KIRREL3: variants seen among roughly 807,000 people sequenced by gnomAD.
KIRREL3 encodes the protein kirre like nephrin family adhesion molecule 3, also known as kin of IRRE-like protein 3.
Under a neutral mutation model 89.7 loss-of-function variants are expected in KIRREL3, and 36 were observed. The observed-to-expected ratio is 0.40, with a 90% CI of 0.31 to 0.53. KIRREL3 has a LOEUF of 0.53. Among genes scored for constraint, KIRREL3 ranks in the 20% least tolerant of loss-of-function variants. The probability of loss-of-function intolerance (pLI) is 0.49; values close to 1 mark genes in which losing one functional copy is unlikely to be tolerated. For synonymous variants in KIRREL3, 445 were observed against 441.4 expected (o/e 1.01, Z -0.10); for missense variants, 864 against 1,056.6 (o/e 0.82, Z 2.53).
At chr11:126,497,199 TGTGAGTGTGAGTGTGTGAGA>T (rs1410612273) in intron 4 of KIRREL3, among the ~76,000 whole-genome samples, 17 of 41,204 alleles carry the variant, frequency 4.1e-4, no homozygotes, top group South Asian at 2.1e-3. Context: ...TGTGAGTGTG[TGTGAGTGTGAGTGTGTGAGA>T]GTGAGTGTGT....
At chr11:126,873,886 C>T (rs1450150907) in intron 1 of KIRREL3, among the ~76,000 whole-genome samples, 1 of 152,250 alleles carries the variant, frequency 6.6e-6, no homozygotes, top group African/African-American at 2.4e-5. Flanking sequence ...TTAATGCAAT[C>T]AGCAGGGCCA....
At chr11:126,861,273 T>G (rs1944694872) in intron 1 of KIRREL3, among the ~76,000 whole-genome samples, 1 of 152,048 alleles carries the variant, frequency 6.6e-6, no homozygotes, top group Non-Finnish European at 1.5e-5. Context: ...GCCCAGAGGT[T>G]AGTAACAGTA....
intron 7 of KIRREL3, among the ~76,000 whole-genome samples, chr11:126,451,285 C>CGTGTGTGCATGTGTGCAT (rs1372989774): frequency 9.0e-6 from 1 of 110,642 alleles, no homozygotes; most frequent in African/African-American, 3.6e-5. Context: ...TGCATGTGTG[C>CGTGTGTGCATGTGTGCAT]GTGTGTGCAT....
chr11:126,518,516 A>G (rs1565517753), intron 4 of KIRREL3, among the ~76,000 whole-genome samples: 1 of 152,198 alleles, frequency 6.6e-6, no homozygotes, highest in Non-Finnish European at 1.5e-5. Context: ...ACTTTATTTA[A>G]TTAAAAATCT....
intron 4 of KIRREL3, among the ~76,000 whole-genome samples, chr11:126,499,235 G>A (rs938106990): frequency 4.0e-5 from 6 of 151,610 alleles, no homozygotes; most frequent in Non-Finnish European, 8.8e-5. Flanking sequence ...TGGGATTAAA[G>A]GCTTTACCTA....
rs1946882627 is a variant in KIRREL3 at position 126,912,914 on chromosome 11, G to C, written c.55+87541C>G. Among the ~76,000 whole-genome samples, 1 of 152,252 alleles carries C rather than the reference G, an allele frequency of 6.6e-6. No homozygotes were observed. The highest frequency in any genetic ancestry group is 2.4e-5 in the African/African-American group (1 of 41,472). ...GTGATGACAGAGGAGGGCATGCAGA[G>C]TGGTGACACCTGGGGTGCACCCATC... On this transcript the variant is annotated intron_variant, in intron 1 of 16. Transcript: ENST00000525144. The surrounding 1 kb of genome is among the most constrained non-coding windows in gnomAD (Gnocchi z 4.7).
Position 126,557,611 on chromosome 11 carries a change from A to G in KIRREL3, c.133+5224T>C, listed in dbSNP as rs984573216. 6.6e-6 allele frequency among the ~76,000 whole-genome samples: 1 copy of G among 152,146 alleles called. No individual in the cohort carries two copies. The highest frequency in any genetic ancestry group is 2.4e-5 in the African/African-American group (1 of 41,420). ...AGCTGTGGGGCACCTCTCTTTCTAT[A>G]CGAGGAAACAGTAGAAGCTTTAGAC... On this transcript the variant is annotated intron_variant, in intron 2 of 16. Coordinates refer to ENST00000525144, the MANE Select transcript of KIRREL3 (RefSeq NM_032531.4). This position sits in a 1 kb window ranked among gnomAD's most constrained non-coding sequence, Gnocchi z 5.6.
Position 126,565,066 on chromosome 11 carries a change from G to A in KIRREL3, c.56-2154C>T, listed in dbSNP as rs763445768. Among the ~76,000 whole-genome samples, 3 of 152,192 alleles carry A rather than the reference G, an allele frequency of 2.0e-5. No homozygotes were observed. Among genetic ancestry groups the A allele is most frequent in the Non-Finnish European group, 4.4e-5 (3 of 68,032 alleles). The stretch of plus-strand genomic sequence containing the variant: ...TGGACTAAGCCCAAACTCAATCCAG[G>A]AGCTTGGGAGGGAGGCAGGGGAGCA... On this transcript the variant is annotated intron_variant, in intron 1 of 16. Transcript: ENST00000525144. This position sits in a 1 kb window ranked among gnomAD's most constrained non-coding sequence, Gnocchi z 5.4.
rs185186356 is a variant in KIRREL3 at position 126,577,195 on chromosome 11, T to C, written c.56-14283A>G. Among the ~76,000 whole-genome samples the C allele has an allele frequency of 1.2e-4, 19 of 152,204 alleles. 1 individual carries two copies. Among genetic ancestry groups the C allele is most frequent in the Non-Finnish European group, 2.5e-4 (17 of 68,008 alleles). On this transcript the variant is annotated intron_variant, in intron 1 of 16. Transcript: ENST00000525144. ...GTGGCACATGGATTAAGTATGCAGT[T>C]TGGTGGTCTTTAAAGGATGAACATT...
chr11:126,509,450 A>T (rs970470825), intron 4 of KIRREL3, among the ~76,000 whole-genome samples: 4 of 152,220 alleles, frequency 2.6e-5, no homozygotes, highest in Non-Finnish European at 5.9e-5. Flanking sequence ...ACTCTGAGAC[A>T]TTATTTTAGC....
intron 1 of KIRREL3, among the ~76,000 whole-genome samples, chr11:126,588,704 G>T (rs972647777): frequency 6.6e-6 from 1 of 152,202 alleles, no homozygotes; most frequent in Admixed American, 6.5e-5. Context: ...CTGTTTCCCT[G>T]GTTCAAAGGT....
At chr11:126,925,616 C>G (rs979448096) in intron 1 of KIRREL3, among the ~76,000 whole-genome samples, 3 of 152,172 alleles carry the variant, frequency 2.0e-5, no homozygotes, top group Non-Finnish European at 4.4e-5. Flanking sequence ...CAATGGCCAC[C>G]AGCCGTCCAG....
At position 126,526,634 on chromosome 11, in the gene KIRREL3, G is replaced by A; in HGVS notation, c.187C>T (p.Gln63Ter). ...QPQDQVVVSG[Q>*]PVTLLCAIPE... ...ATGGCGCAAAGTAGCGTCACTGGCT[G>A]TCCCGACACCACCACCTGGTCCTGG... The change falls in exon 3 of 17, where the codon CAG (glutamine) becomes TAG (stop). Residue 63 changes from glutamine to a stop codon, truncating the protein, a stop_gained. Transcript: ENST00000525144. LOFTEE classifies it high-confidence loss of function. This position sits in a 1 kb window ranked among gnomAD's most constrained non-coding sequence, Gnocchi z 5.7. 6.3e-7 allele frequency: 1 copy of A among 1,591,450 alleles called. No homozygotes were observed. The highest frequency in any genetic ancestry group is 1.3e-5 in the African/African-American group (1 of 74,552).
rs1255313995 is a variant in KIRREL3 at position 126,428,093 on chromosome 11, C to G, written c.1806+1086G>C. ...GCAGCAGCTGCTCACCCTCTAGCAA[C>G]ATAAACCGCTAATATTTCTTGAGCA... On this transcript the variant is annotated intron_variant, in intron 15 of 16. Coordinates refer to ENST00000525144, the MANE Select transcript of KIRREL3 (RefSeq NM_032531.4). The surrounding 1 kb of genome is among the most constrained non-coding windows in gnomAD (Gnocchi z 6.4). Among the ~76,000 whole-genome samples the G allele has an allele frequency of 6.6e-6, 1 of 152,220 alleles. No homozygotes were observed. The highest frequency in any genetic ancestry group is 1.5e-5 in the Non-Finnish European group (1 of 68,040).
intron 1 of KIRREL3, among the ~76,000 whole-genome samples, chr11:126,957,449 AT>A (rs1457635024): frequency 6.6e-6 from 1 of 152,152 alleles, no homozygotes. Context: ...TTAATATTTA[AT>A]TTTTTATTGC....
chr11:126,945,574 A>T (rs1285431736), intron 1 of KIRREL3, among the ~76,000 whole-genome samples: 1 of 152,184 alleles, frequency 6.6e-6, no homozygotes, highest in Non-Finnish European at 1.5e-5. Context: ...GTTTCCCCTG[A>T]TGCCTTCAGG....
chr11:126,824,724 T>C (rs1943347439), intron 1 of KIRREL3, among the ~76,000 whole-genome samples: 1 of 152,198 alleles, frequency 6.6e-6, no homozygotes, highest in Non-Finnish European at 1.5e-5. Flanking sequence ...GAATAACCAT[T>C]TATGCCTTGG....
At chr11:126,835,230 A>G (rs1483405801) in intron 1 of KIRREL3, among the ~76,000 whole-genome samples, 3 of 152,168 alleles carry the variant, frequency 2.0e-5, no homozygotes, top group Admixed American at 2.0e-4. Flanking sequence ...TCTCCTATAA[A>G]CATCACTGAC....
chr11:126,926,235 A>C (rs1947710173), intron 1 of KIRREL3, among the ~76,000 whole-genome samples: 1 of 152,212 alleles, frequency 6.6e-6, no homozygotes, highest in African/African-American at 2.4e-5. Flanking sequence ...AACTCTGGAT[A>C]GACCATCTAC....
Sources: allele counts gnomAD v4.1 joint callset (sites outside exome capture counted in the v4.1 genomes callset), GRCh38; gene constraint gnomAD v4.1.1; non-coding constraint Gnocchi (gnomAD v3.1); transcripts MANE v1.5; gene names NCBI Gene and HGNC (gene_info 2026-07-23, HGNC 2026-07-21).